The following DISP1 variants were observed in gnomAD, a reference collection of about 807,000 sequenced individuals.
DISP1 encodes the protein dispatched RND transporter family member 1.
Under a neutral mutation model 37.3 loss-of-function variants are expected in DISP1, and 30 were observed. The ratio of observed to expected loss-of-function variants is 0.80; its 90% CI spans 0.60 to 1.09. The LOEUF is 1.09. Ranked by LOEUF, DISP1 falls within the 50% of genes least tolerant of loss-of-function variation. The pLI, the probability that DISP1 is intolerant of heterozygous loss-of-function variation, is 0.00. For synonymous variants in DISP1, 634 were observed against 690.2 expected (o/e 0.92, Z 1.28); for missense variants, 1,598 against 1,879.5 (o/e 0.85, Z 2.77).
chr1:222,998,992 C>A (rs182380537), intron 8 of DISP1, among the ~76,000 whole-genome samples: 1 of 152,076 alleles, frequency 6.6e-6, no homozygotes, highest in Non-Finnish European at 1.5e-5. Context: ...GTCAATTGAA[C>A]CTGGTATTAA....
At position 222,985,422 on chromosome 1, in the gene DISP1, C is replaced by T. The variant is rs562200403; in HGVS notation, c.539+2313C>T. Among the ~76,000 whole-genome samples the T allele has an allele frequency of 5.3e-5, 8 of 152,296 alleles. No individual in the cohort carries two copies. In the South Asian group the frequency reaches 6.2e-4, roughly 12 times the overall value. Reference sequence around the variant, plus strand: ...ATCCCAGCACTGTGGGAGGCCGAGGCGGGCAGATCACGAGGTCAGGAGTTC... The same window carrying T: ...ATCCCAGCACTGTGGGAGGCCGAGGTGGGCAGATCACGAGGTCAGGAGTTC... On this transcript the variant is annotated intron_variant, in intron 4 of 8. Coordinates refer to ENST00000675850, the MANE Select transcript of DISP1 (RefSeq NM_001377229.1).
Position 223,002,719 on chromosome 1 carries a change from C to T in DISP1, c.1322C>T (p.Thr441Met), listed in dbSNP as rs114523965. 365 of 1,614,144 alleles carry T rather than the reference C, an allele frequency of 2.3e-4. 1 individual carries two copies. In the African/African-American group the frequency reaches 3.9e-3, roughly 17 times the overall value. Residue 441 changes from threonine (T) to methionine (M), a missense_variant, in exon 9 of 9, where the codon ACG becomes ATG. Transcript: ENST00000675850. ...LVDKDFMTPK[T>M]ADYATPALKY... The stretch of plus-strand genomic sequence containing the variant: ...GACAAAGACTTTATGACCCCAAAGA[C>T]GGCTGACTATGCCACGCCAGCTTTA...
chr1:222,991,845 T>C (rs1678718704), intron 6 of DISP1, among the ~76,000 whole-genome samples, 168 bp from the exon 7 acceptor site: 1 of 152,164 alleles, frequency 6.6e-6, no homozygotes, highest in South Asian at 2.1e-4. Flanking sequence ...TTTTTTTTTT[T>C]CTTTTTTAGA....
intron 1 of DISP1, among the ~76,000 whole-genome samples, chr1:222,854,339 G>A (rs1258712518): frequency 1.3e-5 from 2 of 152,076 alleles, no homozygotes; most frequent in African/African-American, 4.8e-5. Context: ...TACAATCATG[G>A]CGGAAGGCAT....
chr1:222,982,015 A>T (rs1677872972), intron 3 of DISP1, among the ~76,000 whole-genome samples: 1 of 152,250 alleles, frequency 6.6e-6, no homozygotes, highest in Admixed American at 6.5e-5. Flanking sequence ...GACAAATATT[A>T]AATTATGAAA....
chr1:222,987,081 T>C (rs1370326612), intron 4 of DISP1, among the ~76,000 whole-genome samples: 1 of 151,806 alleles, frequency 6.6e-6, no homozygotes, highest in Non-Finnish European at 1.5e-5. Context: ...ATCAAATATA[T>C]ATATATATTT....
intron 1 of DISP1, among the ~76,000 whole-genome samples, chr1:222,854,846 G>T (rs565125714): frequency 6.6e-6 from 1 of 151,902 alleles, no homozygotes; most frequent in South Asian, 2.1e-4. Flanking sequence ...TAACTGCTTG[G>T]GATGAACAAG....
intron 8 of DISP1, among the ~76,000 whole-genome samples, chr1:222,998,813 T>A (rs1679249406): frequency 6.6e-6 from 1 of 152,168 alleles, no homozygotes; most frequent in East Asian, 1.9e-4. Context: ...CTAGGGTGAC[T>A]TTTGTAGACA....
chr1:222,912,260 A>G (rs1283962724), intron 1 of DISP1, among the ~76,000 whole-genome samples: 2 of 152,230 alleles, frequency 1.3e-5, no homozygotes, highest in African/African-American at 2.4e-5. Flanking sequence ...TATCTCTGCA[A>G]TTAATCTGTA....
intron 1 of DISP1, among the ~76,000 whole-genome samples, chr1:222,825,499 CT>C (rs954921482): frequency 3.7e-3 from 489 of 131,788 alleles, no homozygotes; most frequent in African/African-American, 0.011. Context: ...ACCTGTTTCT[CT>C]TTTTTTTTTT....
chr1:222,900,615 T>G (rs1381224670), intron 1 of DISP1, among the ~76,000 whole-genome samples: 3 of 152,170 alleles, frequency 2.0e-5, no homozygotes, highest in Non-Finnish European at 4.4e-5. Context: ...AGACTGAAAC[T>G]TAACTGTACT....
At chr1:222,896,038 A>C (rs2125395887) in intron 1 of DISP1, among the ~76,000 whole-genome samples, 1 of 152,350 alleles carries the variant, frequency 6.6e-6, no homozygotes. Flanking sequence ...TACAAGGTGC[A>C]GTGGCTCATG....
chr1:222,937,381 C>T (rs977600530), intron 2 of DISP1, among the ~76,000 whole-genome samples: 3 of 152,038 alleles, frequency 2.0e-5, no homozygotes, highest in Non-Finnish European at 2.9e-5. Context: ...TGAGCCACTG[C>T]GCCCTGCCCC....
At chr1:222,846,789 A>T (rs1667934466) in intron 1 of DISP1, among the ~76,000 whole-genome samples, 1 of 152,276 alleles carries the variant, frequency 6.6e-6, no homozygotes, top group Non-Finnish European at 1.5e-5. Context: ...TTTATGTGAT[A>T]GCAGGACATT....
At chr1:222,923,135 G>T (rs1312066426) in intron 1 of DISP1, among the ~76,000 whole-genome samples, 2 of 152,156 alleles carry the variant, frequency 1.3e-5, no homozygotes, top group Non-Finnish European at 2.9e-5. Flanking sequence ...CAGGCTAGGG[G>T]AAAACTAAAT....
chr1:222,940,263 A>G (rs1674284693), intron 2 of DISP1, among the ~76,000 whole-genome samples: 1 of 152,180 alleles, frequency 6.6e-6, no homozygotes, highest in East Asian at 1.9e-4. Context: ...GGCCTTAGGA[A>G]ATTCACAATC....
intron 3 of DISP1, among the ~76,000 whole-genome samples, chr1:222,952,849 A>AAAACAAAC (rs370273414): frequency 7.9e-5 from 12 of 151,790 alleles, no homozygotes; most frequent in African/African-American, 2.9e-4. Flanking sequence ...GTCTAAAAAC[A>AAAACAAAC]AAACAAACAA....
intron 8 of DISP1, among the ~76,000 whole-genome samples, chr1:223,000,778 T>C (rs1679384060): frequency 6.6e-6 from 1 of 152,164 alleles, no homozygotes; most frequent in African/African-American, 2.4e-5. Flanking sequence ...TAAGTCCCAG[T>C]TCTGAAGCAG....
rs570659465 is a variant in DISP1 at position 222,983,192 on chromosome 1, G to A, written c.539+83G>A. On this transcript the variant is annotated intron_variant, in intron 4 of 8. Coordinates refer to ENST00000675850, the MANE Select transcript of DISP1 (RefSeq NM_001377229.1). ...TCTAGTATTTTCTCCGTATTTTGCT[G>A]TTCTTTTCACTTTCCTCATTCATAT... 1.4e-5 allele frequency: 15 copies of A among 1,099,364 alleles called. No individual in the cohort carries two copies. In the South Asian group the frequency reaches 2.0e-4, roughly 15 times the overall value. The allele number at this position is 1,099,364 out of a possible 1,614,324, so 68.1% of individuals were successfully genotyped here.
Sources: gnomAD v4.1 joint callset for allele counts (sites outside exome capture counted in the v4.1 genomes callset) on GRCh38, gnomAD v4.1.1 for gene constraint, MANE v1.5 for transcripts, NCBI Gene and HGNC (gene_info 2026-07-23, HGNC 2026-07-21) for gene names.